The following TMEFF2 variants were observed in gnomAD, a reference collection of about 807,000 sequenced individuals.
TMEFF2 encodes transmembrane protein with EGF like and two follistatin like domains 2.
Under a neutral mutation model 53.8 loss-of-function variants are expected in TMEFF2, and 28 were observed. The ratio of observed to expected loss-of-function variants is 0.52; its 90% CI spans 0.39 to 0.71. The LOEUF is 0.71. Among genes scored for constraint, TMEFF2 ranks in the 30% least tolerant of loss-of-function variants. TMEFF2 has a pLI of 0.00. For synonymous variants in TMEFF2, 162 were observed against 166.3 expected (o/e 0.97, Z 0.20); for missense variants, 353 against 455.2 (o/e 0.78, Z 2.04).
At chr2:192,107,481 T>C (rs569416508) in intron 4 of TMEFF2, among the ~76,000 whole-genome samples, 1 of 151,850 alleles carries the variant, frequency 6.6e-6, no homozygotes, top group East Asian at 1.9e-4. Context: ...ACCATGAACG[T>C]CAGTGTAAAT....
chr2:192,128,667 C>T lies in TMEFF2; in HGVS notation c.439+51001G>A, dbSNP rs540712548. Among the ~76,000 whole-genome samples the T allele has an allele frequency of 1.5e-4, 23 of 152,232 alleles. No individual in the cohort carries two copies. In the East Asian group the frequency reaches 3.7e-3, roughly 24 times the overall value. ...TTAGTAAGGCTGCAAGTTTTAGAAG[C>T]TTATCAGGTATAATATGTTAATCTT... On this transcript the variant is annotated intron_variant, in intron 4 of 9. Coordinates refer to ENST00000272771, the MANE Select transcript of TMEFF2 (RefSeq NM_016192.4).
At chr2:192,189,782 T>C (rs974711302) in intron 2 of TMEFF2, among the ~76,000 whole-genome samples, 13 of 152,230 alleles carry the variant, frequency 8.5e-5, no homozygotes, top group Middle Eastern at 3.4e-3. Flanking sequence ...ATGCAACTTA[T>C]ACTTTTCTTT....
At chr2:192,186,492 T>C (rs1487609551) in intron 2 of TMEFF2, among the ~76,000 whole-genome samples, 2 of 152,032 alleles carry the variant, frequency 1.3e-5, no homozygotes, top group African/African-American at 4.8e-5. Context: ...AGAATGTAGG[T>C]AGGATTATGT....
chr2:192,117,645 G>A (rs891292863), intron 4 of TMEFF2, among the ~76,000 whole-genome samples: 31 of 151,954 alleles, frequency 2.0e-4, no homozygotes, highest in Non-Finnish European at 4.4e-4. Flanking sequence ...AGGACCATAT[G>A]TGACTCTTTT....
intron 4 of TMEFF2, among the ~76,000 whole-genome samples, chr2:192,061,588 G>C (rs1688045628): frequency 6.6e-6 from 1 of 152,108 alleles, no homozygotes; most frequent in Admixed American, 6.6e-5. Flanking sequence ...CCAATCCCCT[G>C]AGGAGACTGA....
intron 4 of TMEFF2, among the ~76,000 whole-genome samples, chr2:192,150,354 G>T (rs1690355213): frequency 6.6e-6 from 1 of 151,798 alleles, no homozygotes; most frequent in Non-Finnish European, 1.5e-5. Context: ...CCAGTGTGGG[G>T]TGTTTCACAA....
intron 7 of TMEFF2, among the ~76,000 whole-genome samples, chr2:191,978,154 A>C (rs890546730): frequency 2.6e-5 from 4 of 151,962 alleles, no homozygotes; most frequent in East Asian, 3.9e-4. Context: ...GGTTCCTTTA[A>C]TATCTGCCAC....
intron 7 of TMEFF2, among the ~76,000 whole-genome samples, chr2:191,974,667 GTTTC>G (rs571105343): frequency 1.4e-3 from 218 of 151,850 alleles, no homozygotes; most frequent in Middle Eastern, 3.4e-3. Context: ...TCTTTTTTAT[GTTTC>G]TTTATTTTTT....
At chr2:191,996,872 G>A (rs1574276340) in intron 7 of TMEFF2, among the ~76,000 whole-genome samples, 2 of 151,830 alleles carry the variant, frequency 1.3e-5, no homozygotes, top group Non-Finnish European at 2.9e-5. Context: ...GGTTAGCCAC[G>A]GGTTGGTGTT....
intron 4 of TMEFF2, among the ~76,000 whole-genome samples, chr2:192,112,847 G>C (rs928171006): frequency 2.0e-5 from 3 of 152,136 alleles, no homozygotes; most frequent in Non-Finnish European, 4.4e-5. Flanking sequence ...GGTTTTATAA[G>C]TGAAAACCTC....
At position 192,057,884 on chromosome 2, in the gene TMEFF2, C is replaced by T; in HGVS notation, c.440-109G>A. On this transcript the variant is annotated intron_variant, in intron 4 of 9. Transcript: ENST00000272771. Reference sequence around the variant, plus strand: ...GCTACTTTCCCAATGGACCTGTCTGCTATTGAAGCTTCATAAGAATGTCAA... The same window carrying T: ...GCTACTTTCCCAATGGACCTGTCTGTTATTGAAGCTTCATAAGAATGTCAA... 7 of 813,326 alleles carry T rather than the reference C, an allele frequency of 8.6e-6. 1 individual carries two copies. In the South Asian group the frequency reaches 1.1e-4, roughly 12 times the overall value. The allele number at this position is 813,326 out of a possible 1,614,324, so 50.4% of individuals were successfully genotyped here. A position where few individuals can be genotyped will look rare whatever the true frequency, so the allele number is the denominator to read the frequency against.
intron 4 of TMEFF2, among the ~76,000 whole-genome samples, chr2:192,135,199 A>G (rs1462264832): frequency 6.6e-6 from 1 of 152,158 alleles, no homozygotes; most frequent in Non-Finnish European, 1.5e-5. Flanking sequence ...TTACACTGCC[A>G]GTTCACACTG....
intron 5 of TMEFF2, among the ~76,000 whole-genome samples, chr2:192,046,315 G>T (rs1687619965): frequency 6.6e-6 from 1 of 152,102 alleles, no homozygotes; most frequent in Non-Finnish European, 1.5e-5. Context: ...AGTGAATCAA[G>T]ATCATGCCGC....
intron 4 of TMEFF2, among the ~76,000 whole-genome samples, chr2:192,142,242 T>C (rs1690154899): frequency 6.6e-6 from 1 of 152,114 alleles, no homozygotes; most frequent in African/African-American, 2.4e-5. Context: ...TGGATTCTCC[T>C]AGAAGCAAAG....
At chr2:191,970,459 G>A (rs556697515) in intron 7 of TMEFF2, among the ~76,000 whole-genome samples, 2 of 151,950 alleles carry the variant, frequency 1.3e-5, no homozygotes, top group African/African-American at 2.4e-5. Flanking sequence ...AGACGCACAA[G>A]CAGAAGGTCA....
intron 5 of TMEFF2, among the ~76,000 whole-genome samples, chr2:192,027,399 C>A (rs1417042047): frequency 6.6e-6 from 1 of 152,102 alleles, no homozygotes; most frequent in Non-Finnish European, 1.5e-5. Context: ...GGATATATAT[C>A]AGAGAGGAGC....
At chr2:191,981,314 G>C (rs975553645) in intron 7 of TMEFF2, among the ~76,000 whole-genome samples, 3 of 133,814 alleles carry the variant, frequency 2.2e-5, no homozygotes, top group African/African-American at 8.3e-5. Context: ...CCTTTTAAAT[G>C]TTGTTCCCTA....
intron 5 of TMEFF2, among the ~76,000 whole-genome samples, chr2:192,056,114 T>G (rs1687902677): frequency 6.6e-6 from 1 of 152,208 alleles, no homozygotes; most frequent in South Asian, 2.1e-4. Context: ...TCTTAATTTT[T>G]TTTCTTCATT....
At chr2:192,111,847 G>A (rs1018525157) in intron 4 of TMEFF2, among the ~76,000 whole-genome samples, 5 of 152,190 alleles carry the variant, frequency 3.3e-5, no homozygotes, top group African/African-American at 1.2e-4. Context: ...TGGCTAAAAG[G>A]GGCCAAGGTA....
Sources: allele counts gnomAD v4.1 joint callset (sites outside exome capture counted in the v4.1 genomes callset), GRCh38; gene constraint gnomAD v4.1.1; transcripts MANE v1.5; gene names NCBI Gene and HGNC (gene_info 2026-07-23, HGNC 2026-07-21).